The following RSBN1L variants were observed in gnomAD, a reference collection of about 807,000 sequenced individuals.
RSBN1L encodes the protein lysine-specific demethylase RSBN1L.
RSBN1L carries 30 observed loss-of-function variants against 67.7 expected under a neutral mutation model. The ratio of observed to expected loss-of-function variants is 0.44; its 90% CI spans 0.33 to 0.60. RSBN1L has a LOEUF of 0.60. Among genes scored for constraint, RSBN1L ranks in the 20% least tolerant of loss-of-function variants. The pLI is 0.02. For missense variants in RSBN1L, 992 were observed against 1,031.7 expected (o/e 0.96, Z 0.53); for synonymous variants, 433 against 387.0 (o/e 1.12, Z -1.39).
intron 1 of RSBN1L, among the ~76,000 whole-genome samples, chr7:77,735,031 G>C (rs1211231485): frequency 1.3e-5 from 2 of 148,728 alleles, no homozygotes; most frequent in African/African-American, 5.0e-5. Context: ...CTGTACTTTC[G>C]TATGCTTGGA....
chr7:77,760,995 T>C (rs1791691206), intron 3 of RSBN1L, among the ~76,000 whole-genome samples: 3 of 152,248 alleles, frequency 2.0e-5, no homozygotes, highest in African/African-American at 7.2e-5. Flanking sequence ...ACCAGAAAAC[T>C]GGTTTGATTA....
intron 1 of RSBN1L, among the ~76,000 whole-genome samples, chr7:77,734,381 C>CT (rs575587621): frequency 6.6e-6 from 1 of 151,846 alleles, no homozygotes; most frequent in Non-Finnish European, 1.5e-5. Context: ...TTTTAGGTGA[C>CT]TTTTTTTCAG....
At chr7:77,726,178 T>C (rs1435346125) in intron 1 of RSBN1L, among the ~76,000 whole-genome samples, 1 of 152,196 alleles carries the variant, frequency 6.6e-6, no homozygotes, top group East Asian at 1.9e-4. Context: ...TTCTAGCACG[T>C]TTATCATAGT....
chr7:77,743,580 GTC>G (rs1791442741), intron 2 of RSBN1L, among the ~76,000 whole-genome samples: 1 of 149,096 alleles, frequency 6.7e-6, no homozygotes, highest in African/African-American at 2.5e-5. Context: ...ACTAAGTGTT[GTC>G]TCTGTTCTAT....
intron 2 of RSBN1L, among the ~76,000 whole-genome samples, chr7:77,747,755 C>T (rs1369850608): frequency 2.6e-5 from 4 of 152,190 alleles, no homozygotes; most frequent in Non-Finnish European, 4.4e-5. Flanking sequence ...TATAGCAATG[C>T]CCCATTCCTC....
In RSBN1L at chr7:77,779,303, C is replaced by G; in HGVS notation, c.*135C>G. ...GTTTATGTAGCTTTGTAACATTCCTCAGTGCCTGTCCATAACTGTGAAGTA... is the reference window on the plus strand; with the variant it reads ...GTTTATGTAGCTTTGTAACATTCCTGAGTGCCTGTCCATAACTGTGAAGTA... On this transcript the variant is annotated 3_prime_UTR_variant, in exon 8 of 8. Transcript: ENST00000334955. 3.0e-6 allele frequency: 2 copies of G among 660,758 alleles called. No homozygotes were observed. The highest frequency in any genetic ancestry group is 5.2e-6 in the Non-Finnish European group (2 of 384,876). The allele number at this position is 660,758 out of a possible 1,614,324, so 40.9% of individuals were successfully genotyped here.
intron 1 of RSBN1L, among the ~76,000 whole-genome samples, chr7:77,727,537 C>T (rs945405264): frequency 7.2e-5 from 11 of 151,888 alleles, no homozygotes; most frequent in African/African-American, 2.4e-4. Flanking sequence ...AAGACAGACT[C>T]GCTTGTCACC....
chr7:77,706,941 A>T (rs1790900219), intron 1 of RSBN1L, among the ~76,000 whole-genome samples: 1 of 152,202 alleles, frequency 6.6e-6, no homozygotes, highest in Admixed American at 6.5e-5. Flanking sequence ...TATAATTTAG[A>T]ATTATAATCT....
intron 4 of RSBN1L, among the ~76,000 whole-genome samples, chr7:77,765,843 A>G (rs567409390): frequency 6.6e-6 from 1 of 152,204 alleles, no homozygotes; most frequent in Admixed American, 6.5e-5. Context: ...TGTAGTGTGT[A>G]CATGCGACAT....
chr7:77,753,896 A>G (rs1791585131), intron 3 of RSBN1L, among the ~76,000 whole-genome samples: 1 of 152,230 alleles, frequency 6.6e-6, no homozygotes, highest in Non-Finnish European at 1.5e-5. Flanking sequence ...ACCCAGCATC[A>G]TTTATGGAAA....
Position 77,779,790 on chromosome 7 carries a change from TA to T in RSBN1L, c.*623del, listed in dbSNP as rs1562813089. ...ATGTACGTAATTCAAATCTAGTAAA[TA>T]TTTAAGTTCCTCACACTGTGCAGGC... On this transcript the variant is annotated 3_prime_UTR_variant, in exon 8 of 8. Transcript: ENST00000334955. The T allele has an allele frequency of 2.0e-5, 3 of 151,808 alleles. No individual in the cohort carries two copies. The highest frequency in any genetic ancestry group is 4.4e-5 in the Non-Finnish European group (3 of 67,846). 9.4% of individuals were successfully genotyped at this position (151,808 alleles called of 1,614,324 possible). A position where few individuals can be genotyped will look rare whatever the true frequency, so the allele number is the denominator to read the frequency against.
intron 3 of RSBN1L, among the ~76,000 whole-genome samples, chr7:77,751,159 TTTTTTG>T (rs986640621): frequency 1.9e-5 from 1 of 52,710 alleles, no homozygotes; most frequent in Non-Finnish European, 4.1e-5. Context: ...TGTTTTTTTG[TTTTTTG>T]TTTTTTGAGA....
chr7:77,753,025 T>C (rs1472747939), intron 3 of RSBN1L, among the ~76,000 whole-genome samples: 1 of 152,226 alleles, frequency 6.6e-6, no homozygotes, highest in Non-Finnish European at 1.5e-5. Flanking sequence ...AGTGTTAATA[T>C]ACCACAGTTT....
intron 1 of RSBN1L, among the ~76,000 whole-genome samples, chr7:77,735,972 T>A (rs551790079): frequency 9.2e-5 from 14 of 152,210 alleles, no homozygotes; most frequent in Middle Eastern, 6.8e-3. Flanking sequence ...ATTTAGTCCT[T>A]ATAGTAACCA....
Position 77,749,628 on chromosome 7 carries a change from A to G in RSBN1L, c.908A>G (p.Tyr303Cys). The G allele has an allele frequency of 6.2e-7, 1 of 1,614,058 alleles. No individual in the cohort carries two copies. The highest frequency in any genetic ancestry group is 8.5e-7 in the Non-Finnish European group (1 of 1,179,974). Reference protein sequence around the residue: ...KGILNDNIKDYVGKNLDTKNY... With the variant: ...KGILNDNIKDCVGKNLDTKNY... ...ATCCTAAATGATAACATAAAAGATTACGTTGGGAAGAATTTGGATACCAAG... is the reference window on the plus strand; with the variant it reads ...ATCCTAAATGATAACATAAAAGATTGCGTTGGGAAGAATTTGGATACCAAG... The change falls in exon 3 of 8, where the codon TAC becomes TGC. Residue 303 changes from tyrosine (Y) to cysteine (C), a missense_variant. By Grantham distance (194) the Tyr-to-Cys change is radical. Transcript: ENST00000334955.
intron 5 of RSBN1L, among the ~76,000 whole-genome samples, chr7:77,770,941 T>C (rs1473083603): frequency 6.6e-6 from 1 of 152,120 alleles, no homozygotes; most frequent in African/African-American, 2.4e-5. Context: ...CCTTTTGTTT[T>C]GTTTTGTTTG....
At chr7:77,758,751 A>G (rs895736136) in intron 3 of RSBN1L, among the ~76,000 whole-genome samples, 1 of 152,206 alleles carries the variant, frequency 6.6e-6, no homozygotes, top group African/African-American at 2.4e-5. Flanking sequence ...TCATTCAAAT[A>G]TTCACTCAGA....
rs914440609 is a variant in RSBN1L, at chr7:77,708,427, G to A, written c.586+11372G>A. On this transcript the variant is annotated intron_variant, in intron 1 of 7. Coordinates refer to ENST00000334955, the MANE Select transcript of RSBN1L (RefSeq NM_198467.3). ...AGATAAGTCTCGCTCTGTCACCCAG[G>A]CTGGAGTGCAGTGGCATGATCTCGG... Among the ~76,000 whole-genome samples the A allele has an allele frequency of 2.6e-5, 4 of 151,580 alleles. No individual in the cohort carries two copies. In the East Asian group the frequency reaches 5.8e-4, roughly 22 times the overall value.
chr7:77,726,344 G>T (rs902311558), intron 1 of RSBN1L, among the ~76,000 whole-genome samples: 3 of 152,064 alleles, frequency 2.0e-5, no homozygotes, highest in Non-Finnish European at 2.9e-5. Context: ...CCTTTTGGCT[G>T]AGACAGTATC....
Sources: gnomAD v4.1 joint callset for allele counts (sites outside exome capture counted in the v4.1 genomes callset) on GRCh38, gnomAD v4.1.1 for gene constraint, MANE v1.5 for transcripts, NCBI Gene and HGNC (gene_info 2026-07-23, HGNC 2026-07-21) for gene names.